The following CFAP92 variants were observed in gnomAD, a reference collection of about 807,000 sequenced individuals.
CFAP92 encodes cilia and flagella associated protein 92 (putative), also known as uncharacterized protein CFAP92.
In CFAP92, 86 loss-of-function variants were observed where a neutral mutation model predicts 106.3. The observed-to-expected ratio is 0.81, with a 90% CI of 0.68 to 0.97. The LOEUF (loss-of-function observed/expected upper bound fraction) is 0.97. Ranked by LOEUF, CFAP92 falls within the 50% of genes least tolerant of loss-of-function variation. The pLI is 0.00. For missense variants in CFAP92, 1,204 were observed against 1,283.8 expected (o/e 0.94, Z 0.95); for synonymous variants, 477 against 506.4 (o/e 0.94, Z 0.78).
At chr3:128,932,378 TACACAC>T (rs112536236) in intron 12 of CFAP92, among the ~76,000 whole-genome samples, 34 of 147,482 alleles carry the variant, frequency 2.3e-4, no homozygotes, top group African/African-American at 8.5e-4. Context: ...AGCAACATGT[TACACAC>T]ACACACACAC....
intron 9 of CFAP92, among the ~76,000 whole-genome samples, chr3:128,950,396 C>T (rs560438915): frequency 2.6e-5 from 4 of 152,198 alleles, no homozygotes; most frequent in African/African-American, 9.7e-5. Context: ...AGGGGATTAA[C>T]AGACAGTGGA....
chr3:128,929,986 G>GT (rs1559861804), intron 12 of CFAP92, among the ~76,000 whole-genome samples: 1 of 152,086 alleles, frequency 6.6e-6, no homozygotes. Context: ...AATTATTATA[G>GT]TATGAATAGG....
chr3:128,984,844 C>T (rs1246094510), intron 4 of CFAP92, among the ~76,000 whole-genome samples: 1 of 152,200 alleles, frequency 6.6e-6, no homozygotes, highest in East Asian at 1.9e-4. Context: ...CATCCTATCC[C>T]CTTCATAACA....
At chr3:128,940,657 T>C (rs1297451637) in intron 10 of CFAP92, among the ~76,000 whole-genome samples, 1 of 152,182 alleles carries the variant, frequency 6.6e-6, no homozygotes, top group East Asian at 1.9e-4. Flanking sequence ...TATGTGTAGG[T>C]CTGTTTCTGG....
intron 4 of CFAP92, among the ~76,000 whole-genome samples, chr3:128,984,618 C>T (rs922861324): frequency 6.6e-6 from 1 of 152,190 alleles, no homozygotes; most frequent in African/African-American, 2.4e-5. Context: ...CTTCCTTGCT[C>T]CTCAGCTTGC....
intron 10 of CFAP92, among the ~76,000 whole-genome samples, chr3:128,942,091 G>A (rs924261000): frequency 1.3e-5 from 2 of 152,192 alleles, no homozygotes; most frequent in Non-Finnish European, 2.9e-5. Flanking sequence ...TACTTCTGAC[G>A]CCAACTGCAA....
Position 128,926,682 on chromosome 3 carries a change from A to C in CFAP92, c.2751+6018T>G, listed in dbSNP as rs1056587937. ...TATGGACTGAATGTCTTCACCCTCA[A>C]ATTCCTCTACTGAAGCTCTAAACCC... is the stretch of plus-strand genomic sequence containing the variant. On this transcript the variant is annotated intron_variant, in intron 12 of 15. Transcript: ENST00000645291. Among the ~76,000 whole-genome samples the C allele has an allele frequency of 2.0e-5, 3 of 152,164 alleles. No individual in the cohort carries two copies. In the South Asian group the frequency reaches 6.2e-4, roughly 32 times the overall value.
At chr3:128,933,850 A>C (rs749579682) in intron 11 of CFAP92, among the ~76,000 whole-genome samples, 19 of 152,104 alleles carry the variant, frequency 1.2e-4, no homozygotes, top group Non-Finnish European at 2.1e-4. Flanking sequence ...ATCAAAGAAA[A>C]GCCTCTTAGC....
intron 9 of CFAP92, among the ~76,000 whole-genome samples, chr3:128,962,573 T>C (rs1342689732): frequency 6.6e-6 from 1 of 152,092 alleles, no homozygotes; most frequent in Non-Finnish European, 1.5e-5. Context: ...CCTCCTCTTG[T>C]ATTCCCCCAC....
chr3:129,015,629 T>G, the CFAP92 span, among the ~76,000 whole-genome samples: 1 of 151,218 alleles, frequency 6.6e-6, no homozygotes, highest in African/African-American at 2.4e-5. Flanking sequence ...CACACTCCTG[T>G]TGCACCCTTC....
intron 8 of CFAP92, among the ~76,000 whole-genome samples, chr3:128,966,241 T>C (rs1942353824): frequency 6.6e-6 from 1 of 152,236 alleles, no homozygotes; most frequent in Non-Finnish European, 1.5e-5. Context: ...TACCCTCATG[T>C]GGCTATGGGC....
chr3:128,953,141 C>G lies in CFAP92; in HGVS notation c.1354-7166G>C, dbSNP rs193110395. Among the ~76,000 whole-genome samples the G allele has an allele frequency of 7.2e-5, 11 of 152,198 alleles. No homozygotes were observed. The South Asian group carries it at 1.2e-3, about 17-fold the overall frequency. ...AAATACAATAACTGCAATAAAAAAA[C>G]TCAATAGATGGACTCAATGCAGAAT... On this transcript the variant is annotated intron_variant, in intron 9 of 15. Coordinates refer to ENST00000645291, the MANE Select transcript of CFAP92 (RefSeq NM_001394090.1).
intron 12 of CFAP92, among the ~76,000 whole-genome samples, chr3:128,930,729 C>T (rs894322819): frequency 7.2e-5 from 11 of 152,030 alleles, no homozygotes; most frequent in African/African-American, 2.4e-4. Flanking sequence ...CGAGCCTGGG[C>T]ATCAGAGCAA....
At chr3:128,931,277 C>A (rs1938332376) in intron 12 of CFAP92, among the ~76,000 whole-genome samples, 1 of 151,990 alleles carries the variant, frequency 6.6e-6, no homozygotes, top group South Asian at 2.1e-4. Context: ...ACCTGTGCTT[C>A]CCAGGCTCAA....
chr3:128,971,808 A>G (rs1184524038), intron 7 of CFAP92, among the ~76,000 whole-genome samples: 1 of 152,160 alleles, frequency 6.6e-6, no homozygotes, highest in Non-Finnish European at 1.5e-5. Flanking sequence ...CCTGCTCTTA[A>G]ACAAACAAAA....
At chr3:128,956,215 T>TAAAAAAAAAAAAAAAAAAAAAAAAA (rs545191144) in intron 9 of CFAP92, among the ~76,000 whole-genome samples, 2 of 68,742 alleles carry the variant, frequency 2.9e-5, no homozygotes, top group African/African-American at 1.2e-4. Flanking sequence ...AATAAAAAAA[T>TAAAAAAAAAAAAAAAAAAAAAAAAA]AAAAAAAAAA....
At chr3:128,936,797 G>A (rs1370855883) in intron 10 of CFAP92, among the ~76,000 whole-genome samples, 2 of 152,174 alleles carry the variant, frequency 1.3e-5, no homozygotes, top group African/African-American at 2.4e-5. Flanking sequence ...CAGTCTGTGT[G>A]TGTACCTCAA....
At position 128,988,925 on chromosome 3, in the gene CFAP92, G is replaced by C; in HGVS notation, c.263-7C>G. On this transcript the variant is annotated splice_polypyrimidine_tract_variant and splice_region_variant and intron_variant, in intron 2 of 15. Coordinates refer to ENST00000645291, the MANE Select transcript of CFAP92 (RefSeq NM_001394090.1). ...GCATATTTTCCCTTCTGACCTTGAA[G>C]ATACAGATTGAAAAAGTCTCGTTTT... 6.2e-7 allele frequency: 1 copy of C among 1,605,704 alleles called. No individual in the cohort carries two copies. The highest frequency in any genetic ancestry group is 8.5e-7 in the Non-Finnish European group (1 of 1,173,998).
chr3:129,008,327 C>T, the CFAP92 span, among the ~76,000 whole-genome samples: 1 of 152,210 alleles, frequency 6.6e-6, no homozygotes, highest in Non-Finnish European at 1.5e-5. Flanking sequence ...GTCCCTAATC[C>T]CTCCATGGGC....
Sources: allele counts gnomAD v4.1 joint callset (sites outside exome capture counted in the v4.1 genomes callset), GRCh38; gene constraint gnomAD v4.1.1; transcripts MANE v1.5; gene names NCBI Gene and HGNC (gene_info 2026-07-23, HGNC 2026-07-21).